The following SHISAL1 variants were observed in gnomAD, a reference collection of about 807,000 sequenced individuals.
SHISAL1 encodes the protein shisa like 1, also known as protein shisa-like-1.
SHISAL1 carries 9 observed loss-of-function variants against 22.6 expected under a neutral mutation model. The observed-to-expected ratio is 0.40, with a 90% CI of 0.24 to 0.70. SHISAL1 has a LOEUF of 0.70. SHISAL1 is among the 30% of genes least tolerant of loss of function. SHISAL1 has a pLI of 0.39. For missense variants in SHISAL1, 246 were observed against 270.6 expected (o/e 0.91, Z 0.64); for synonymous variants, 119 against 115.4 (o/e 1.03, Z -0.20).
the SHISAL1 span, among the ~76,000 whole-genome samples, chr22:44,322,958 C>A: frequency 6.6e-6 from 1 of 151,988 alleles, no homozygotes; most frequent in Admixed American, 6.5e-5. Context: ...TCCATCCATC[C>A]ATCCACCCAC....
At chr22:44,261,801 A>G (rs2055126470) in intron 4 of SHISAL1, among the ~76,000 whole-genome samples, 1 of 152,168 alleles carries the variant, frequency 6.6e-6, no homozygotes, top group Non-Finnish European at 1.5e-5. Flanking sequence ...CACGGAGAGC[A>G]CTCGCCTGCC....
intron 4 of SHISAL1, among the ~76,000 whole-genome samples, chr22:44,263,582 G>A (rs1005806437): frequency 1.2e-4 from 19 of 152,212 alleles, no homozygotes; most frequent in Admixed American, 1.2e-3. Flanking sequence ...AGAGAGATGA[G>A]CCTAGATTAA....
intron 4 of SHISAL1, among the ~76,000 whole-genome samples, chr22:44,259,835 T>G (rs1252610708): frequency 6.6e-6 from 1 of 152,210 alleles, no homozygotes; most frequent in African/African-American, 2.4e-5. Flanking sequence ...TTCTTCTTTT[T>G]CCCTGTGTGT....
At chr22:44,278,768 T>C (rs57228121) in intron 4 of SHISAL1, among the ~76,000 whole-genome samples, 4,710 of 152,168 alleles carry the variant, frequency 0.031, 281 homozygotes, top group Admixed American at 0.17. Flanking sequence ...ATGTGGATCC[T>C]AGCTGGGCCA....
At chr22:44,329,440 GACAC>G in the SHISAL1 span, among the ~76,000 whole-genome samples, 10 of 144,964 alleles carry the variant, frequency 6.9e-5, no homozygotes, top group Non-Finnish European at 1.6e-4. Flanking sequence ...GCGAGAATGG[GACAC>G]ACACACACAC....
At chr22:44,269,128 C>T (rs539854340) in intron 4 of SHISAL1, among the ~76,000 whole-genome samples, 8 of 152,002 alleles carry the variant, frequency 5.3e-5, no homozygotes, top group African/African-American at 1.9e-4. Context: ...CACAGACACC[C>T]ACAATACACA....
intron 4 of SHISAL1, among the ~76,000 whole-genome samples, chr22:44,272,071 T>C (rs2055209237): frequency 6.6e-6 from 1 of 152,204 alleles, no homozygotes; most frequent in African/African-American, 2.4e-5. Context: ...GGCAGGATTA[T>C]AGGAGCCACC....
In SHISAL1 at chr22:44,247,453, G is replaced by A. The variant is rs111516162; in HGVS notation, c.*2232C>T. The A allele has an allele frequency of 2.1e-3, 326 of 152,472 alleles. No individual in the cohort carries two copies. The highest frequency in any genetic ancestry group is 3.4e-3 in the Non-Finnish European group (232 of 68,174). 9.4% of individuals were successfully genotyped at this position (152,472 alleles called of 1,614,324 possible). On this transcript the variant is annotated 3_prime_UTR_variant, in exon 5 of 5. Coordinates refer to ENST00000381176, the MANE Select transcript of SHISAL1 (RefSeq NM_001099294.2). ...CCTTACGGCAACATGGCCCTGGGACGGCTCACATCAGGGGAGAGGAAGCCA... is the reference window on the plus strand; with the variant it reads ...CCTTACGGCAACATGGCCCTGGGACAGCTCACATCAGGGGAGAGGAAGCCA...
chr22:44,253,354 C>G (rs1468197570), intron 4 of SHISAL1, among the ~76,000 whole-genome samples: 1 of 151,110 alleles, frequency 6.6e-6, no homozygotes, highest in Non-Finnish European at 1.5e-5. Flanking sequence ...TACCAAATAG[C>G]ATAGCCTCAA....
chr22:44,261,269 A>T (rs1460767424), intron 4 of SHISAL1, among the ~76,000 whole-genome samples: 2 of 151,606 alleles, frequency 1.3e-5, no homozygotes, highest in Non-Finnish European at 2.9e-5. Context: ...CTCCACTCCA[A>T]AGTACTCTCT....
In SHISAL1 at chr22:44,285,437, G is replaced by T; in HGVS notation, c.590C>A (p.Ser197Ter). The change falls in exon 4 of 5, where the codon TCG becomes TAG. Residue 197 changes from serine to a stop codon, truncating the protein, a stop_gained. Coordinates refer to ENST00000381176, the MANE Select transcript of SHISAL1 (RefSeq NM_001099294.2). LOFTEE classifies it high-confidence loss of function. Reference protein sequence around the residue: ...HSPPLMTFQSSSA With the variant: ...HSPPLMTFQS ...AATTGTAGCCACTCACCAGGCAGAC[G>T]AACTCTGGAAGGTCATCAGCGGTGG... 6.2e-7 allele frequency: 1 copy of T among 1,613,928 alleles called. No individual in the cohort carries two copies. Among genetic ancestry groups the T allele is most frequent in the South Asian group, 1.1e-5 (1 of 91,044 alleles).
intron 1 of SHISAL1, among the ~76,000 whole-genome samples, chr22:44,303,944 G>A (rs978694696): frequency 6.7e-6 from 1 of 150,258 alleles, no homozygotes; most frequent in African/African-American, 2.4e-5. Flanking sequence ...GAGGCCCTCC[G>A]CCCCCCAGGA....
the SHISAL1 span, among the ~76,000 whole-genome samples, chr22:44,320,669 G>A: frequency 3.3e-5 from 5 of 152,172 alleles, no homozygotes; most frequent in African/African-American, 1.2e-4. Flanking sequence ...CCCTCCCCCT[G>A]TGACCCCCTC....
intron 4 of SHISAL1, among the ~76,000 whole-genome samples, chr22:44,263,762 A>T (rs924837532): frequency 4.6e-5 from 7 of 152,184 alleles, no homozygotes; most frequent in Non-Finnish European, 1.0e-4. Flanking sequence ...CAGACAAGGA[A>T]ACAGACTCAC....
intron 4 of SHISAL1, among the ~76,000 whole-genome samples, chr22:44,256,817 A>G (rs1449730061): frequency 6.6e-6 from 1 of 152,190 alleles, no homozygotes; most frequent in East Asian, 1.9e-4. Flanking sequence ...GCTCAACTCT[A>G]CAGAAATCAG....
rs537922833 is a variant in SHISAL1 at position 44,244,583 on chromosome 22, T to G, written c.*5102A>C. 5.3e-4 allele frequency: 81 copies of G among 152,198 alleles called. No homozygotes were observed. Among genetic ancestry groups the G allele is most frequent in the African/African-American group, 1.8e-3 (76 of 41,538 alleles). 9.4% of individuals were successfully genotyped at this position (152,198 alleles called of 1,614,324 possible). A position where few individuals can be genotyped will look rare whatever the true frequency, so the allele number is the denominator to read the frequency against. On this transcript the variant is annotated 3_prime_UTR_variant, in exon 5 of 5. Coordinates refer to ENST00000381176, the MANE Select transcript of SHISAL1 (RefSeq NM_001099294.2). Reference sequence around the variant, plus strand: ...TGGCTTGGACTAGAAACTGGGGTGGTGGGGGGCAATGACACCTCCAAGGTC... The same window carrying G: ...TGGCTTGGACTAGAAACTGGGGTGGGGGGGGGCAATGACACCTCCAAGGTC...
chr22:44,287,426 C>T (rs2055324164), intron 3 of SHISAL1, among the ~76,000 whole-genome samples: 1 of 152,190 alleles, frequency 6.6e-6, no homozygotes. Flanking sequence ...CCTGGGAGCT[C>T]CTGGCTGGGA....
At position 44,305,000 on chromosome 22, in the gene SHISAL1, T is replaced by G. The variant is rs116140773; in HGVS notation, c.-32-4023A>C. On this transcript the variant is annotated intron_variant, in intron 1 of 4. Transcript: ENST00000381176. The stretch of plus-strand genomic sequence containing the variant: ...CTCCAACTCCCTACAAAGCCCTGAG[T>G]GTACTGGCTGATGTTGCGGGGCTGA... Among the ~76,000 whole-genome samples, 767 of 152,228 alleles carry G rather than the reference T, an allele frequency of 5.0e-3. 8 individuals carry two copies. The highest frequency in any genetic ancestry group is 0.015 in the African/African-American group (611 of 41,542).
At chr22:44,268,792 T>C (rs953860765) in intron 4 of SHISAL1, among the ~76,000 whole-genome samples, 5 of 152,116 alleles carry the variant, frequency 3.3e-5, no homozygotes, top group African/African-American at 1.2e-4. Flanking sequence ...GGTAAGCACC[T>C]GGGGGCAGGG....
Sources: gnomAD v4.1 joint callset for allele counts (sites outside exome capture counted in the v4.1 genomes callset) on GRCh38, gnomAD v4.1.1 for gene constraint, MANE v1.5 for transcripts, NCBI Gene and HGNC (gene_info 2026-07-23, HGNC 2026-07-21) for gene names.